The following DMD variants were observed in gnomAD, a reference collection of about 807,000 sequenced individuals.
DMD encodes the protein dystrophin, also known as mutant dystrophin.
In DMD, 63 loss-of-function variants were observed where a neutral mutation model predicts 330.1. The observed-to-expected ratio is 0.19, with a 90% CI of 0.16 to 0.24. DMD has a LOEUF of 0.24. Among genes scored for constraint, DMD ranks in the 10% least tolerant of loss-of-function variants. The pLI is 1.00. For synonymous variants in DMD, 1,223 were observed against 959.8 expected (o/e 1.27, Z -5.07); for missense variants, 3,344 against 2,684.1 (o/e 1.25, Z -5.43).
intron 69 of DMD, among the ~76,000 whole-genome samples, chrX:31,179,052 G>A (rs921915360): frequency 5.4e-5 from 6 of 111,988 alleles, no homozygotes; most frequent in African/African-American, 1.9e-4. Context: ...ACCTCAACAC[G>A]TTGTTATGAT....
intron 45 of DMD, among the ~76,000 whole-genome samples, chrX:31,946,470 T>C (rs2095088684): frequency 8.9e-6 from 1 of 111,804 alleles, no homozygotes; most frequent in Admixed American, 9.5e-5. Context: ...TTATTTATTT[T>C]ACATCCATGT....
chrX:31,410,116 G>A (rs992510431), intron 60 of DMD, among the ~76,000 whole-genome samples: 4 of 112,116 alleles, frequency 3.6e-5, no homozygotes, highest in East Asian at 2.8e-4. Flanking sequence ...CACCGTGTCC[G>A]GCCCTTAAAC....
intron 13 of DMD, among the ~76,000 whole-genome samples, chrX:32,587,799 T>C (rs1048588106): frequency 8.9e-6 from 1 of 112,039 alleles, no homozygotes; most frequent in Non-Finnish European, 1.9e-5. Context: ...GGGCTGATGA[T>C]GATAATAATA....
At chrX:32,759,153 A>G (rs2071902665) in intron 7 of DMD, among the ~76,000 whole-genome samples, 1 of 112,196 alleles carries the variant, frequency 8.9e-6, no homozygotes, top group Admixed American at 9.5e-5. Context: ...CTATAAAGTG[A>G]AATTTACTAC....
intron 2 of DMD, among the ~76,000 whole-genome samples, chrX:32,917,159 T>TCCCC (rs376979402): frequency 2.2e-5 from 2 of 89,245 alleles, no homozygotes; most frequent in African/African-American, 8.4e-5. Flanking sequence ...GTGTGGCACT[T>TCCCC]CCCCCCCCCC....
At chrX:31,948,168 G>T (rs759117060) in intron 45 of DMD, among the ~76,000 whole-genome samples, 1 of 111,018 alleles carries the variant, frequency 9.0e-6, no homozygotes, top group African/African-American at 3.3e-5. Flanking sequence ...ATGCCTTCCA[G>T]GTTCATACAT....
intron 29 of DMD, among the ~76,000 whole-genome samples, chrX:32,416,530 T>G (rs2098166630): frequency 8.9e-6 from 1 of 112,037 alleles, no homozygotes; most frequent in Non-Finnish European, 1.9e-5. Context: ...ATTTTAGTAG[T>G]AAATGAACTA....
intron 53 of DMD, among the ~76,000 whole-genome samples, chrX:31,676,886 T>C (rs1421723424): frequency 8.9e-6 from 1 of 112,190 alleles, no homozygotes; most frequent in Non-Finnish European, 1.9e-5. Context: ...GCATACATCA[T>C]TCAAGAAATG....
rs17338590 is a variant in DMD, at chrX:31,479,252, T to C, written c.8548-149A>G. 14,191 of 654,768 alleles carry C rather than the reference T, an allele frequency of 0.022. 340 individuals carry two copies. Among genetic ancestry groups the C allele is most frequent in the African/African-American group, 0.13 (5,818 of 44,807 alleles). The allele number at this position is 654,768 out of a possible 1,213,427, so 54.0% of individuals were successfully genotyped here. On this transcript the variant is annotated intron_variant, in intron 57 of 78. Coordinates refer to ENST00000357033, the MANE Select transcript of DMD (RefSeq NM_004006.3). ...CTGATGGTTATAAAATGATTTTTTT[T>C]AAAGGCTATATGGGTCTATCTGTTA...
intron 11 of DMD, among the ~76,000 whole-genome samples, chrX:32,623,518 T>A (rs762393123): frequency 1.0e-3 from 108 of 108,274 alleles, no homozygotes; most frequent in Non-Finnish European, 1.5e-3. Flanking sequence ...TAAAGATTTA[T>A]AATACTAGTA....
chrX:32,580,872 G>A (rs1314250754), intron 13 of DMD, among the ~76,000 whole-genome samples: 2 of 110,226 alleles, frequency 1.8e-5, no homozygotes, highest in Admixed American at 9.7e-5. Context: ...TGTCCCCTAG[G>A]CTGGAGAGCA....
intron 19 of DMD, among the ~76,000 whole-genome samples, chrX:32,493,337 A>C (rs1321492868): frequency 3.6e-5 from 4 of 111,775 alleles, no homozygotes; most frequent in African/African-American, 6.5e-5. Context: ...CAAACTTTGC[A>C]AATATTATCG....
intron 54 of DMD, among the ~76,000 whole-genome samples, chrX:31,644,026 T>C (rs2079936673): frequency 8.9e-6 from 1 of 111,854 alleles, no homozygotes; most frequent in African/African-American, 3.2e-5. Flanking sequence ...AGTGCATATA[T>C]AACTGCCACT....
intron 61 of DMD, among the ~76,000 whole-genome samples, chrX:31,340,883 G>C (rs1328131121): frequency 8.9e-6 from 1 of 111,806 alleles, no homozygotes; most frequent in African/African-American, 3.2e-5. Flanking sequence ...CTGTCAACAA[G>C]ACTAATACTA....
intron 7 of DMD, among the ~76,000 whole-genome samples, chrX:32,760,935 G>A (rs368522902): frequency 9.0e-6 from 1 of 110,739 alleles, no homozygotes; most frequent in Admixed American, 9.6e-5. Context: ...CTTTTGCCTT[G>A]CTATTTCACC....
chrX:32,413,165 C>T (rs2098150829), intron 29 of DMD, among the ~76,000 whole-genome samples: 1 of 110,810 alleles, frequency 9.0e-6, no homozygotes, highest in African/African-American at 3.3e-5. Flanking sequence ...CTCAACTCTA[C>T]ATCTCTCAAG....
chrX:31,721,076 C>T (rs1462238011), intron 52 of DMD, among the ~76,000 whole-genome samples: 1 of 111,346 alleles, frequency 9.0e-6, no homozygotes, highest in Non-Finnish European at 1.9e-5. Context: ...TGATAGAACT[C>T]TGAAATTCAT....
chrX:32,877,686 T>G (rs1292032343), intron 2 of DMD, among the ~76,000 whole-genome samples: 1 of 112,093 alleles, frequency 8.9e-6, no homozygotes, highest in East Asian at 2.8e-4. Flanking sequence ...TTCAGGCTAG[T>G]AAAGCTGCTT....
chrX:33,068,310 A>T lies in DMD; in HGVS notation c.32-48110T>A, dbSNP rs569764356. Among the ~76,000 whole-genome samples the T allele has an allele frequency of 1.2e-4, 13 of 111,976 alleles. No individual in the cohort carries two copies. In the South Asian group the frequency reaches 4.9e-3, roughly 42 times the overall value. ...GGCCAAGGTAGTGATTAATTGATCT[A>T]GGCTAGAGTAAAGCTGTGGCTGAAA... On this transcript the variant is annotated intron_variant, in intron 1 of 78. Coordinates refer to ENST00000357033, the MANE Select transcript of DMD (RefSeq NM_004006.3).
Sources: allele counts gnomAD v4.1 joint callset (sites outside exome capture counted in the v4.1 genomes callset), GRCh38; gene constraint gnomAD v4.1.1; transcripts MANE v1.5; gene names NCBI Gene and HGNC (gene_info 2026-07-23, HGNC 2026-07-21).